The following GAS5 variants were observed in gnomAD, a reference collection of about 807,000 sequenced individuals.
GAS5 encodes growth arrest specific 5, also known as growth arrest specific 5 (non-protein coding).
At chr1:173,864,466 T>A (rs370634423) in intron 6 of GAS5, 87 of 515,412 alleles carry the variant, frequency 1.7e-4, no homozygotes, top group African/African-American at 1.6e-3. Flanking sequence ...TCATCACATG[T>A]ACCAAAAGCT....
At chr1:173,867,783 A>C (rs762141913), upstream of GAS5, 1 of 519,088 alleles carries the variant, frequency 1.9e-6, no homozygotes, top group South Asian at 1.4e-5. Context: ...TTCTACTCTA[A>C]CATAGTCGCA....
upstream of GAS5, chr1:173,867,983 C>T: frequency 3.0e-6 from 1 of 328,374 alleles, no homozygotes; most frequent in South Asian, 2.4e-5. Context: ...ACTCCTACCT[C>T]GAAAAGACAG....
At chr1:173,867,236 C>T, upstream of GAS5, 1 of 525,198 alleles carries the variant, frequency 1.9e-6, no homozygotes, top group Non-Finnish European at 3.3e-6. Flanking sequence ...CCACCGATGG[C>T]GGCCGGGCGC....
upstream of GAS5, chr1:173,867,999 T>C (rs887630408): frequency 6.2e-6 from 2 of 320,802 alleles, no homozygotes; most frequent in Non-Finnish European, 6.3e-6. Context: ...GACAGTATGG[T>C]GCCTGGGCTC....
upstream of GAS5, chr1:173,868,288 G>C (rs913701236): frequency 1.3e-5 from 2 of 152,760 alleles, no homozygotes; most frequent in East Asian, 1.9e-4. Context: ...GGGAAGGGGG[G>C]GCGGTGTAAG....
At chr1:173,866,587 T>C (rs749694339) in intron 2 of GAS5, 2 of 761,968 alleles carry the variant, frequency 2.6e-6, no homozygotes, top group Non-Finnish European at 2.4e-6. Flanking sequence ...AACAACTTCA[T>C]GTGAACTTAG....
At chr1:173,867,689 T>C (rs368466641), upstream of GAS5, 12 of 518,872 alleles carry the variant, frequency 2.3e-5, no homozygotes, top group Non-Finnish European at 3.8e-5. Context: ...ATCAGAGCGG[T>C]TGGCATTCAT....
exon 1 of GAS5, chr1:173,867,039 C>T (rs1654820607): frequency 5.3e-6 from 4 of 752,330 alleles, no homozygotes; most frequent in Middle Eastern, 2.3e-4. Context: ...CACCCAGCAC[C>T]ATACCTAAAG....
chr1:173,865,802 C>T lies in GAS5; in HGVS notation n.199+55G>A. On this transcript the variant is annotated intron_variant and non_coding_transcript_variant, in intron 5 of 7. Transcript: ENST00000651080. ...CTTAAGCCATTAGCTCAGCAGTAAG[C>T]ATATCACCATCAGCATTTTCATTAA... 2 of 515,474 alleles carry T rather than the reference C, an allele frequency of 3.9e-6. 1 individual carries two copies. Among genetic ancestry groups the T allele is most frequent in the Non-Finnish European group, 7.8e-6 (2 of 257,868 alleles). 31.9% of individuals were successfully genotyped at this position (515,474 alleles called of 1,614,324 possible). A position where few individuals can be genotyped will look rare whatever the true frequency, so the allele number is the denominator to read the frequency against.
intron 5 of GAS5, chr1:173,865,842 T>C: frequency 9.8e-6 from 5 of 512,552 alleles, no homozygotes; most frequent in Non-Finnish European, 1.6e-5. Context: ...ATCTACTGTT[T>C]TCATTAATAC....
chr1:173,866,233 C>T (rs1468136811), intron 3 of GAS5: 1 of 484,534 alleles, frequency 2.1e-6, no homozygotes, highest in Non-Finnish European at 4.1e-6. Flanking sequence ...AAATTGTCAG[C>T]AAAAAATATT....
chr1:173,866,453 ACATAGATAAT>A, intron 3 of GAS5: 1 of 626,428 alleles, frequency 1.6e-6, no homozygotes, highest in South Asian at 1.4e-5. Context: ...AGAAGCACTA[ACATAGATAAT>A]CATCATTGCT....
upstream of GAS5, chr1:173,867,807 A>G (rs569529817): frequency 3.9e-6 from 2 of 517,636 alleles, no homozygotes; most frequent in African/African-American, 1.9e-5. Flanking sequence ...TAGGTCACGC[A>G]TGCACCATAT....
At chr1:173,866,667 C>A (rs1193231056) in intron 2 of GAS5, 7 of 764,732 alleles carry the variant, frequency 9.2e-6, no homozygotes, top group Non-Finnish European at 1.7e-5. Context: ...TTAAGATCCT[C>A]ATCATTCTAG....
upstream of GAS5, chr1:173,867,061 A>G (rs1444727895): frequency 4.3e-6 from 3 of 696,882 alleles, no homozygotes; most frequent in Admixed American, 6.8e-5. Flanking sequence ...GATCAGGTAC[A>G]GATTTTAATT....
At chr1:173,865,189 T>C (rs1468945561) in intron 6 of GAS5, 3 of 324,910 alleles carry the variant, frequency 9.2e-6, no homozygotes, top group African/African-American at 5.1e-5. Context: ...AGCTAGACTC[T>C]TGTCTAAAAA....
chr1:173,865,945 T>C (rs774253252), intron 4 of GAS5: 1 of 519,210 alleles, frequency 1.9e-6, no homozygotes, highest in East Asian at 5.4e-5. Context: ...GTTCACCCCC[T>C]GCCAAAACTA....
upstream of GAS5, chr1:173,868,120 T>C (rs944818898): frequency 6.3e-6 from 1 of 159,950 alleles, no homozygotes; most frequent in Non-Finnish European, 1.4e-5. Flanking sequence ...TATCACCTTC[T>C]TCCCACCCCT....
chr1:173,865,847 T>C, intron 5 of GAS5: 2 of 513,674 alleles, frequency 3.9e-6, no homozygotes, highest in South Asian at 2.8e-5. Context: ...CTGTTTTCAT[T>C]AATACTTACC....
Sources: allele counts gnomAD v4.1 joint callset, GRCh38; gene constraint gnomAD v4.1.1; transcripts MANE v1.5; gene names NCBI Gene and HGNC (gene_info 2026-07-23, HGNC 2026-07-21).